The following EDEM2 variants were observed in gnomAD, a reference collection of about 807,000 sequenced individuals.
EDEM2 encodes ER degradation enhancing alpha-mannosidase like protein 2.
In EDEM2, 39 loss-of-function variants were observed where a neutral mutation model predicts 64.8. The observed-to-expected ratio is 0.60, with a 90% confidence interval of 0.47 to 0.79. EDEM2 has a LOEUF of 0.79. EDEM2 is among the 30% of genes least tolerant of loss of function. The pLI, the probability that EDEM2 is intolerant of heterozygous loss-of-function variation, is 0.00. For synonymous variants in EDEM2, 296 were observed against 291.5 expected (o/e 1.02, Z -0.16); for missense variants, 609 against 731.3 (o/e 0.83, Z 1.93).
chr20:35,137,525 T>C (rs1280932272), intron 5 of EDEM2, among the ~76,000 whole-genome samples: 1 of 152,164 alleles, frequency 6.6e-6, no homozygotes, highest in Non-Finnish European at 1.5e-5. Context: ...ACCAACACCC[T>C]TCCCTGGGCC....
At chr20:35,135,676 C>A (rs1381199954) in intron 5 of EDEM2, among the ~76,000 whole-genome samples, 1 of 147,790 alleles carries the variant, frequency 6.8e-6, no homozygotes, top group Non-Finnish European at 1.5e-5. Flanking sequence ...ATAAACAAAG[C>A]CATTCATAGA....
At chr20:35,128,057 T>C (rs1433824613) in intron 7 of EDEM2, among the ~76,000 whole-genome samples, 8 of 152,194 alleles carry the variant, frequency 5.3e-5, no homozygotes, top group Non-Finnish European at 8.8e-5. Context: ...ATGTATTTAC[T>C]ATATTATTAT....
At position 35,137,900 on chromosome 20, in the gene EDEM2, G is replaced by A. The variant is rs757782647; in HGVS notation, c.470C>T (p.Ala157Val). ...SGPLLRMAEE[A>V]ARKLLPAFQT... ...CTTACCTGGGAGGAGTTTTCGGGCC[G>A]CCTCCTCAGCCATTCTCAGGAGAGG... The change falls in exon 5 of 11, where the codon GCG becomes GTG. Residue 157 changes from alanine to valine, a missense_variant. Ala to Val is a moderately conservative substitution (Grantham distance 64). Coordinates refer to ENST00000374492, the MANE Select transcript of EDEM2 (RefSeq NM_018217.3). The A allele has an allele frequency of 1.1e-5, 18 of 1,613,948 alleles. No homozygotes were observed. Among genetic ancestry groups the A allele is most frequent in the South Asian group, 1.1e-4 (10 of 91,080 alleles).
chr20:35,127,925 ATTAC>A (rs1274480382), intron 7 of EDEM2, among the ~76,000 whole-genome samples: 1 of 152,244 alleles, frequency 6.6e-6, no homozygotes, highest in Non-Finnish European at 1.5e-5. Context: ...AATGCAATGC[ATTAC>A]TTACTTGTTT....
At chr20:35,116,887 T>G (rs2085315325) in intron 10 of EDEM2, among the ~76,000 whole-genome samples, 1 of 152,040 alleles carries the variant, frequency 6.6e-6, no homozygotes, top group South Asian at 2.1e-4. Flanking sequence ...CCTCCCGGGT[T>G]CAAGCAATTC....
intron 4 of EDEM2, among the ~76,000 whole-genome samples, chr20:35,138,806 G>C (rs1377715111): frequency 1.3e-5 from 2 of 151,412 alleles, no homozygotes; most frequent in African/African-American, 4.9e-5. Context: ...GGATGGTCTC[G>C]ATCTCCTGAC....
In EDEM2 at chr20:35,137,553, G is replaced by A. The variant is rs575926821; in HGVS notation, c.490+327C>T. Reference sequence around the variant, plus strand: ...CCTGGGCCCCTGTTACTCCAGCAGTGTGTGGAATAACTGTAGTACCTGGAA... The same window carrying A: ...CCTGGGCCCCTGTTACTCCAGCAGTATGTGGAATAACTGTAGTACCTGGAA... On this transcript the variant is annotated intron_variant, in intron 5 of 10. Coordinates refer to ENST00000374492, the MANE Select transcript of EDEM2 (RefSeq NM_018217.3). Among the ~76,000 whole-genome samples, 16 of 152,314 alleles carry A rather than the reference G, an allele frequency of 1.1e-4. No homozygotes were observed. In the South Asian group the frequency reaches 3.3e-3, roughly 32 times the overall value.
At chr20:35,145,587 T>C (rs1193518740) in intron 2 of EDEM2, among the ~76,000 whole-genome samples, 1 of 152,202 alleles carries the variant, frequency 6.6e-6, no homozygotes, top group African/African-American at 2.4e-5. Flanking sequence ...CAAAAAGACA[T>C]GCTGACAGAA....
At position 35,126,284 on chromosome 20, in the gene EDEM2, GA is replaced by G; in HGVS notation, c.935del (p.Phe312SerfsTer22). ...MYKGTVSMPVFQSLEAYWPGL... is the reference protein window; with the variant it reads ...MYKGTVSMPVXQSLEAYWPGL... ...CAGGCCAGTAGGCCTCCAAGGACTG[GA>G]AGACTGGCATGGACACAGTCCCCTT... On this transcript the variant is annotated frameshift_variant, in exon 8 of 11. Transcript: ENST00000374492. LOFTEE classifies it high-confidence loss of function. 6.2e-7 allele frequency: 1 copy of G among 1,614,028 alleles called. No individual in the cohort carries two copies.
At chr20:35,133,323 T>C (rs1234129437) in intron 6 of EDEM2, among the ~76,000 whole-genome samples, 3 of 151,966 alleles carry the variant, frequency 2.0e-5, no homozygotes, top group African/African-American at 4.8e-5. Context: ...GTGATGGCAG[T>C]TGGAAGACTG....
At chr20:35,137,465 G>C (rs2085592678) in intron 5 of EDEM2, among the ~76,000 whole-genome samples, 1 of 151,906 alleles carries the variant, frequency 6.6e-6, no homozygotes. Context: ...GCTTGGTCAC[G>C]ATGTTGGCTG....
At chr20:35,129,722 C>T (rs1433758406) in intron 7 of EDEM2, among the ~76,000 whole-genome samples, 1 of 152,182 alleles carries the variant, frequency 6.6e-6, no homozygotes, top group African/African-American at 2.4e-5. Flanking sequence ...CCCAGAGCAA[C>T]TTCCTGTCCT....
In EDEM2 at chr20:35,119,033, T is replaced by C. The variant is rs540918245; in HGVS notation, c.1115-314A>G. On this transcript the variant is annotated intron_variant, in intron 9 of 10. Transcript: ENST00000374492. The stretch of plus-strand genomic sequence containing the variant: ...TATCTGTTCCCCGCTTCCTCCTTAG[T>C]AGCAGGATTCCTAACTTTAGCTAAG... Among the ~76,000 whole-genome samples, 110 of 152,108 alleles carry C rather than the reference T, an allele frequency of 7.2e-4. 1 individual carries two copies. Among genetic ancestry groups the C allele is most frequent in the African/African-American group, 2.6e-3 (107 of 41,510 alleles).
Position 35,115,904 on chromosome 20 carries a change from G to C in EDEM2, c.1266C>G (p.Asp422Glu). ...TIKDLRDHKL[D>E]NRMESFFLAE... ...CCAGGAAGAACGACTCCATGCGGTTGTCCAGCTTGTGGTCTCGCAGATCTT... is the reference window on the plus strand; with the variant it reads ...CCAGGAAGAACGACTCCATGCGGTTCTCCAGCTTGTGGTCTCGCAGATCTT... Residue 422 changes from aspartate (D) to glutamate (E), a missense_variant, in exon 11 of 11, where the codon GAC (aspartate) becomes GAG (glutamate). Physicochemically the swap from Asp to Glu is conservative, Grantham distance 45 (BLOSUM62 2). Transcript: ENST00000374492. The C allele has an allele frequency of 1.9e-6, 3 of 1,614,120 alleles. No homozygotes were observed. Among genetic ancestry groups the C allele is most frequent in the Non-Finnish European group, 2.5e-6 (3 of 1,179,980 alleles).
At chr20:35,137,484 G>C (rs1264251175) in intron 5 of EDEM2, among the ~76,000 whole-genome samples, 2 of 152,094 alleles carry the variant, frequency 1.3e-5, no homozygotes, top group Admixed American at 6.5e-5. Context: ...TGGCAGAGCT[G>C]AGTCTAGAAT....
chr20:35,135,805 G>C (rs1344585263), intron 5 of EDEM2, among the ~76,000 whole-genome samples: 1 of 152,168 alleles, frequency 6.6e-6, no homozygotes, highest in East Asian at 1.9e-4. Context: ...CGATTTATAG[G>C]TAGGGAAAAC....
At chr20:35,144,718 T>C (rs1347417318) in intron 3 of EDEM2, among the ~76,000 whole-genome samples, 1 of 152,180 alleles carries the variant, frequency 6.6e-6, no homozygotes, top group Non-Finnish European at 1.5e-5. Flanking sequence ...GTATCCCCCA[T>C]AGAGCTATGC....
chr20:35,136,577 T>C (rs1208168187), intron 5 of EDEM2, among the ~76,000 whole-genome samples: 5 of 151,566 alleles, frequency 3.3e-5, no homozygotes, highest in Non-Finnish European at 1.5e-5. Context: ...GGCAACATGG[T>C]GAAACCCCAT....
At chr20:35,134,056 C>A in intron 6 of EDEM2, 1 of 455,406 alleles carries the variant, frequency 2.2e-6, no homozygotes, top group South Asian at 1.6e-5. Flanking sequence ...GGCTTTGGCT[C>A]AATTACTGTT....
Sources: gnomAD v4.1 joint callset for allele counts (sites outside exome capture counted in the v4.1 genomes callset) on GRCh38, gnomAD v4.1.1 for gene constraint, MANE v1.5 for transcripts, NCBI Gene and HGNC (gene_info 2026-07-23, HGNC 2026-07-21) for gene names.